The following PIBF1 variants were observed in gnomAD, a reference collection of about 807,000 sequenced individuals.
PIBF1 encodes the protein progesterone-induced-blocking factor 1.
Under a neutral mutation model 112.5 loss-of-function variants are expected in PIBF1, and 90 were observed. That is an observed-to-expected ratio of 0.80 (90% confidence interval 0.67 to 0.95). The LOEUF (loss-of-function observed/expected upper bound fraction) is 0.95. PIBF1 is among the 40% of genes least tolerant of loss of function. The pLI is 0.00. For synonymous variants in PIBF1, 301 were observed against 288.6 expected, an observed-to-expected ratio of 1.04 and a Z score of -0.44; for missense variants, 915 against 852.3, an observed-to-expected ratio of 1.07 and a Z score of -0.92.
At chr13:72,924,450 C>T (rs1271950158) in intron 13 of PIBF1, among the ~76,000 whole-genome samples, 1 of 152,030 alleles carries the variant, frequency 6.6e-6, no homozygotes, top group African/African-American at 2.4e-5. Flanking sequence ...TCGCTATGCA[C>T]ATGTCTCACG....
chr13:72,942,284 C>A (rs903828641), intron 14 of PIBF1, among the ~76,000 whole-genome samples: 289 of 120,494 alleles, frequency 2.4e-3, no homozygotes, highest in African/African-American at 7.5e-3. Flanking sequence ...AAAAAAAAAA[C>A]CCACTGTTTT....
At chr13:72,999,666 A>G (rs1270382994) in intron 17 of PIBF1, among the ~76,000 whole-genome samples, 2 of 152,234 alleles carry the variant, frequency 1.3e-5, no homozygotes, top group South Asian at 2.1e-4. Context: ...TCATTTTATT[A>G]TACATGCAGA....
chr13:72,797,194 A>G (rs1272534065), intron 4 of PIBF1, among the ~76,000 whole-genome samples: 1 of 152,184 alleles, frequency 6.6e-6, no homozygotes, highest in Non-Finnish European at 1.5e-5. Context: ...ACAGCAGTAA[A>G]TAAAGCTTTG....
intron 11 of PIBF1, among the ~76,000 whole-genome samples, chr13:72,905,848 A>G (rs946512367): frequency 2.0e-5 from 3 of 152,178 alleles, no homozygotes; most frequent in African/African-American, 7.2e-5. Flanking sequence ...TTTCTAAAAA[A>G]TGTTGTGGTT....
At chr13:73,004,417 G>A (rs2043965786) in intron 17 of PIBF1, among the ~76,000 whole-genome samples, 1 of 151,738 alleles carries the variant, frequency 6.6e-6, no homozygotes, top group Non-Finnish European at 1.5e-5. Flanking sequence ...CTTGAACCCA[G>A]GAGGCGGAGG....
In PIBF1 at chr13:72,783,479, A is replaced by C; in HGVS notation, c.10A>C (p.Lys4Gln). The change falls in exon 2 of 18, where the codon AAA (lysine) becomes CAA (glutamine). Residue 4 changes from lysine to glutamine, a missense_variant. By Grantham distance (53) the Lys-to-Gln change is moderately conservative (BLOSUM62 1). Coordinates refer to ENST00000326291, the MANE Select transcript of PIBF1 (RefSeq NM_006346.4). ...ATCCATAATAATAAAAATGTCTCGA[A>C]AAATTTCAAAGGAGTCAAAAAAAGT... is the stretch of plus-strand genomic sequence containing the variant. MSR[K>Q]ISKESKKVNI... is the part of the protein sequence containing the mutation. 1 of 1,594,150 alleles carries C rather than the reference A, an allele frequency of 6.3e-7. No individual in the cohort carries two copies. The highest frequency in any genetic ancestry group is 8.6e-7 in the Non-Finnish European group (1 of 1,168,286).
chr13:72,845,874 A>G (rs1286011624), intron 9 of PIBF1, among the ~76,000 whole-genome samples: 4 of 152,128 alleles, frequency 2.6e-5, no homozygotes, highest in Non-Finnish European at 5.9e-5. Context: ...AGATGTTTTT[A>G]TACCAAAGCC....
chr13:72,893,729 T>G, intron 10 of PIBF1, 55 bp from the exon 11 acceptor site: 1 of 1,141,266 alleles, frequency 8.8e-7, no homozygotes, highest in Non-Finnish European at 1.2e-6. Context: ...TTATGATTAC[T>G]TAAATCATTG....
At chr13:72,786,575 C>T (rs927642754) in intron 2 of PIBF1, among the ~76,000 whole-genome samples, 14 of 152,208 alleles carry the variant, frequency 9.2e-5, no homozygotes, top group African/African-American at 1.9e-4. Flanking sequence ...TCTTTGTGTG[C>T]GTCTACCAGT....
chr13:72,854,228 T>A, intron 10 of PIBF1, 73 bp downstream of exon 10: 1 of 944,968 alleles, frequency 1.1e-6, no homozygotes, highest in Non-Finnish European at 1.7e-6. Context: ...TTAGAAAATG[T>A]ATTTTAAGGA....
intron 10 of PIBF1, among the ~76,000 whole-genome samples, chr13:72,874,874 A>G (rs1037695306): frequency 6.6e-6 from 1 of 152,172 alleles, no homozygotes; most frequent in Non-Finnish European, 1.5e-5. Flanking sequence ...CATTATGAAC[A>G]TCCCCACCAG....
chr13:72,966,209 T>G (rs1295591784), intron 15 of PIBF1, among the ~76,000 whole-genome samples: 1 of 152,154 alleles, frequency 6.6e-6, no homozygotes, highest in Non-Finnish European at 1.5e-5. Context: ...CCAGGTTTCT[T>G]AAAGTATGCA....
At chr13:72,875,431 T>C (rs1042972260) in intron 10 of PIBF1, among the ~76,000 whole-genome samples, 1 of 152,140 alleles carries the variant, frequency 6.6e-6, no homozygotes, top group African/African-American at 2.4e-5. Flanking sequence ...GAGTGTGATC[T>C]TATGGTAAGA....
At chr13:72,989,671 A>G (rs2043409034) in intron 16 of PIBF1, among the ~76,000 whole-genome samples, 1 of 152,160 alleles carries the variant, frequency 6.6e-6, no homozygotes, top group South Asian at 2.1e-4. Context: ...TTCTTTTGAG[A>G]TGATGGAAAT....
intron 12 of PIBF1, among the ~76,000 whole-genome samples, chr13:72,916,691 C>T (rs1415899036): frequency 6.6e-6 from 1 of 151,688 alleles, no homozygotes; most frequent in African/African-American, 2.4e-5. Context: ...AATATTTGTC[C>T]TAATTTAAAA....
At chr13:72,868,202 G>A (rs1014633266) in intron 10 of PIBF1, among the ~76,000 whole-genome samples, 2 of 151,960 alleles carry the variant, frequency 1.3e-5, no homozygotes, top group African/African-American at 4.8e-5. Context: ...TCAGGAGGCT[G>A]AGGTTGAAGG....
At chr13:72,853,965 G>A (rs1306541285) in intron 9 of PIBF1, 92 bp from the exon 10 acceptor site, 10 of 963,496 alleles carry the variant, frequency 1.0e-5, no homozygotes, top group Non-Finnish European at 1.6e-5. Flanking sequence ...CTTCTCAGAT[G>A]GGTCCTTAAG....
chr13:72,829,731 C>G (rs2037006925), intron 8 of PIBF1, among the ~76,000 whole-genome samples: 1 of 152,260 alleles, frequency 6.6e-6, no homozygotes, highest in Non-Finnish European at 1.5e-5. Context: ...CAGCTTTCTT[C>G]TTCTTGCCCA....
chr13:72,864,178 G>A (rs1454924003), intron 10 of PIBF1, among the ~76,000 whole-genome samples: 3 of 152,158 alleles, frequency 2.0e-5, no homozygotes, highest in African/African-American at 7.2e-5. Context: ...ATATTTAAGT[G>A]TGTGACTCAT....
Sources: gnomAD v4.1 joint callset for allele counts (sites outside exome capture counted in the v4.1 genomes callset) on GRCh38, gnomAD v4.1.1 for gene constraint, MANE v1.5 for transcripts, NCBI Gene and HGNC (gene_info 2026-07-23, HGNC 2026-07-21) for gene names.